SLC23A2: variants seen among roughly 807,000 people sequenced by gnomAD.
SLC23A2 encodes the protein Na(+)/L-ascorbic acid transporter 2.
In SLC23A2, 36 loss-of-function variants were observed where a neutral mutation model predicts 73.3. That is an observed-to-expected ratio of 0.49 (90% CI 0.38 to 0.65). The LOEUF (loss-of-function observed/expected upper bound fraction) is 0.65. Ranked by LOEUF, SLC23A2 falls within the 30% of genes least tolerant of loss-of-function variation. The pLI, the probability that SLC23A2 is intolerant of heterozygous loss-of-function variation, is 0.00. For missense variants in SLC23A2, 507 were observed against 841.6 expected (o/e 0.60, Z 4.92); for synonymous variants, 343 against 327.3 (o/e 1.05, Z -0.52).
chr20:4,977,184 T>C (rs1418137701), intron 1 of SLC23A2, among the ~76,000 whole-genome samples: 1 of 152,130 alleles, frequency 6.6e-6, no homozygotes, highest in Non-Finnish European at 1.5e-5. Flanking sequence ...GAAATAGTTA[T>C]GATCTATTAC....
intron 2 of SLC23A2, among the ~76,000 whole-genome samples, chr20:4,952,671 C>T (rs1366354273): frequency 6.6e-6 from 1 of 152,136 alleles, no homozygotes; most frequent in African/African-American, 2.4e-5. Flanking sequence ...GAGTGTAAAC[C>T]TGGTTATAAA....
intron 2 of SLC23A2, among the ~76,000 whole-genome samples, chr20:4,936,902 C>T (rs2086969523): frequency 1.3e-5 from 2 of 152,102 alleles, no homozygotes; most frequent in South Asian, 4.2e-4. Flanking sequence ...GAGGATGAGA[C>T]TCATACAGCG....
At chr20:4,927,222 A>G (rs1255952123) in intron 3 of SLC23A2, among the ~76,000 whole-genome samples, 1 of 152,240 alleles carries the variant, frequency 6.6e-6, no homozygotes, top group African/African-American at 2.4e-5. Context: ...GTCACATGTG[A>G]CTAGCAGCCA....
At chr20:4,975,347 G>A (rs1369646958) in intron 1 of SLC23A2, among the ~76,000 whole-genome samples, 3 of 152,020 alleles carry the variant, frequency 2.0e-5, no homozygotes, top group African/African-American at 7.2e-5. Context: ...AGAATATGAC[G>A]TTAACCTCAC....
chr20:4,904,080 A>G (rs1931848860), intron 4 of SLC23A2, among the ~76,000 whole-genome samples: 1 of 152,154 alleles, frequency 6.6e-6, no homozygotes, highest in Non-Finnish European at 1.5e-5. Flanking sequence ...GGATCACTTG[A>G]GGCCAGGGTT....
chr20:4,989,455 A>G (rs1006911595), intron 1 of SLC23A2, among the ~76,000 whole-genome samples: 1 of 152,118 alleles, frequency 6.6e-6, no homozygotes, highest in Admixed American at 6.6e-5. Context: ...AAATTCATTT[A>G]TGTTTCATAT....
chr20:4,869,423 G>T (rs200578359), intron 12 of SLC23A2, among the ~76,000 whole-genome samples: 1 of 123,002 alleles, frequency 8.1e-6, no homozygotes, highest in Admixed American at 7.9e-5. Flanking sequence ...AAAAAAAAAA[G>T]AACAGTTGGA....
chr20:4,892,231 C>T (rs55706367), intron 6 of SLC23A2, among the ~76,000 whole-genome samples: 7,244 of 152,138 alleles, frequency 0.048, 252 homozygotes, highest in Non-Finnish European at 0.067. Context: ...ATCACCTCCA[C>T]GTTCTCACTG....
At chr20:4,975,435 C>T (rs2087628534) in intron 1 of SLC23A2, among the ~76,000 whole-genome samples, 1 of 152,158 alleles carries the variant, frequency 6.6e-6, no homozygotes, top group Non-Finnish European at 1.5e-5. Flanking sequence ...GGCTGGAATG[C>T]AGTGGTGCCA....
chr20:4,940,823 TGGG>T (rs745568672), intron 2 of SLC23A2, among the ~76,000 whole-genome samples: 1 of 151,920 alleles, frequency 6.6e-6, no homozygotes, highest in Non-Finnish European at 1.5e-5. Context: ...TCCAGGGACT[TGGG>T]GGGGCGGTCA....
chr20:4,930,756 T>A (rs1442711323), intron 3 of SLC23A2, among the ~76,000 whole-genome samples: 1 of 151,738 alleles, frequency 6.6e-6, no homozygotes, highest in Non-Finnish European at 1.5e-5. Context: ...GAGGCAGAGG[T>A]TGCAGTGAGC....
chr20:4,946,385 T>C (rs1275787817), intron 2 of SLC23A2, among the ~76,000 whole-genome samples: 2 of 152,174 alleles, frequency 1.3e-5, no homozygotes, highest in Admixed American at 6.5e-5. Flanking sequence ...AAAAATGGGT[T>C]CTCAGGTCCT....
At chr20:4,963,857 A>C (rs2087431427) in intron 2 of SLC23A2, among the ~76,000 whole-genome samples, 1 of 152,170 alleles carries the variant, frequency 6.6e-6, no homozygotes, top group Non-Finnish European at 1.5e-5. Flanking sequence ...CAAAAAAAGC[A>C]AAAAATCAAA....
chr20:4,896,670 A>G (rs535007251), intron 6 of SLC23A2, among the ~76,000 whole-genome samples: 4 of 152,240 alleles, frequency 2.6e-5, no homozygotes, highest in African/African-American at 9.6e-5. Context: ...TCACCTTCCT[A>G]TCCCACACCC....
At chr20:4,985,515 T>G (rs1342461979) in intron 1 of SLC23A2, among the ~76,000 whole-genome samples, 4 of 151,846 alleles carry the variant, frequency 2.6e-5, no homozygotes, top group South Asian at 4.2e-4. Context: ...TAGCATGATC[T>G]CGGCTCACTG....
At position 4,872,320 on chromosome 20, in the gene SLC23A2, G is replaced by C. The variant is rs1427329509; in HGVS notation, c.1102+1616C>G. ...CCCTGGAGGTGGCTTTCTAGCTATG[G>C]AGCTCTGGTACCCCACCAGCCCTCG... On this transcript the variant is annotated intron_variant, in intron 11 of 16. Coordinates refer to ENST00000338244, the MANE Select transcript of SLC23A2 (RefSeq NM_005116.6). The surrounding 1 kb of genome is among the most constrained non-coding windows in gnomAD (Gnocchi z 4.4). Among the ~76,000 whole-genome samples the C allele has an allele frequency of 6.6e-6, 1 of 152,094 alleles. No individual in the cohort carries two copies. Among genetic ancestry groups the C allele is most frequent in the Non-Finnish European group, 1.5e-5 (1 of 68,008 alleles).
intron 1 of SLC23A2, among the ~76,000 whole-genome samples, chr20:5,009,299 G>T (rs72552244): frequency 0.017 from 2,644 of 152,082 alleles, 82 homozygotes; most frequent in African/African-American, 0.06. Context: ...CATTTCTGTT[G>T]TCCCTGCAAA....
At chr20:4,999,372 A>C (rs1437773599) in intron 1 of SLC23A2, among the ~76,000 whole-genome samples, 1 of 152,140 alleles carries the variant, frequency 6.6e-6, no homozygotes, top group African/African-American at 2.4e-5. Flanking sequence ...AGATGGACAG[A>C]CTACTCAGTG....
At chr20:4,994,489 T>G (rs1263248366) in intron 1 of SLC23A2, among the ~76,000 whole-genome samples, 1 of 152,004 alleles carries the variant, frequency 6.6e-6, no homozygotes, top group Non-Finnish European at 1.5e-5. Context: ...GTAGAATGTA[T>G]AAGAAATTGT....
Sources: gnomAD v4.1 joint callset for allele counts (sites outside exome capture counted in the v4.1 genomes callset) on GRCh38, gnomAD v4.1.1 for gene constraint, Gnocchi (gnomAD v3.1) non-coding constraint, MANE v1.5 for transcripts, NCBI Gene and HGNC (gene_info 2026-07-23, HGNC 2026-07-21) for gene names.